Variants in ROBO4 observed in about 807,000 individuals in gnomAD.
The protein encoded by ROBO4 is roundabout guidance receptor 4, also known as roundabout homolog 4.
In ROBO4, 80 loss-of-function variants were observed where a neutral mutation model predicts 103.3. The observed-to-expected ratio is 0.77, with a 90% confidence interval of 0.65 to 0.93. The LOEUF (loss-of-function observed/expected upper bound fraction) is 0.93, where lower values mean the gene tolerates loss of function less well. Among genes scored for constraint, ROBO4 ranks in the 40% least tolerant of loss-of-function variants. The pLI, the probability that ROBO4 is intolerant of heterozygous loss-of-function variation, is 0.00. For missense variants in ROBO4, 1,333 were observed against 1,305.3 expected (o/e 1.02, Z -0.33); for synonymous variants, 504 against 529.7 (o/e 0.95, Z 0.67).
rs201659190 is a variant in ROBO4, at chr11:124,895,582, C to G, written c.911G>C (p.Gly304Ala). The change falls in exon 6 of 18, where the codon GGC becomes GCC. Residue 304 changes from glycine to alanine, a missense_variant. Physicochemically the swap from Gly to Ala is moderately conservative, Grantham distance 60. Coordinates refer to ENST00000306534, the MANE Select transcript of ROBO4 (RefSeq NM_019055.6). ...GAPWAEELLAGWQSAELGGLH... is the reference protein window; with the variant it reads ...GAPWAEELLAAWQSAELGGLH... ...GCCTCCAAGCTCTGCGCTCTGCCAG[C>G]CGGCCAGCAGCTCCTCTGCCCACGG... 8.7e-6 allele frequency: 14 copies of G among 1,613,348 alleles called. No individual in the cohort carries two copies. The highest frequency in any genetic ancestry group is 1.2e-5 in the Non-Finnish European group (14 of 1,180,042).
intron 7 of ROBO4, among the ~76,000 whole-genome samples, chr11:124,894,786 C>T (rs1376302449): frequency 1.3e-5 from 2 of 152,226 alleles, no homozygotes; most frequent in African/African-American, 4.8e-5. Flanking sequence ...CACTCCCTGA[C>T]TCACAGCCTG....
In ROBO4 at chr11:124,895,148, C is replaced by A; in HGVS notation, c.1082G>T (p.Gly361Val). ...TGGGACCCAGCTCACAAAGACAGTG[C>A]CATTGCCAGGCTTTAGAGTCACTTC... ...PQEVTLKPGN[G>V]TVFVSWVPPP... Residue 361 changes from glycine to valine, a missense_variant, in exon 7 of 18, where the codon GGC becomes GTC. Gly to Val is a moderately radical substitution (Grantham distance 109). Coordinates refer to ENST00000306534, the MANE Select transcript of ROBO4 (RefSeq NM_019055.6). The A allele has an allele frequency of 1.2e-6, 2 of 1,614,084 alleles. No homozygotes were observed. The highest frequency in any genetic ancestry group is 1.7e-6 in the Non-Finnish European group (2 of 1,179,998).
rs768101744 is a variant in ROBO4 at position 124,887,693 on chromosome 11, A to G, written c.2056+40T>C. The stretch of plus-strand genomic sequence containing the variant: ...GTAAGCCCCTGCATCCCTACACCCT[A>G]TCTCACCCCTTCACTTCCCTTTCAG... On this transcript the variant is annotated intron_variant, in intron 13 of 17. Transcript: ENST00000306534. 14 of 1,591,930 alleles carry G rather than the reference A, an allele frequency of 8.8e-6. No homozygotes were observed. The South Asian group carries it at 1.0e-4, about 11-fold the overall frequency.
In ROBO4 at chr11:124,891,555, G is replaced by A. The variant is rs1196457203; in HGVS notation, c.1692C>T (p.Ser564=). The part of the protein sequence containing the change: ...DPLDCRRSLL[S]WDSRSPGVPL... Reference sequence around the variant, plus strand: ...GCACGCCGGGGCTTCGGGAGTCCCAGGAGAGCACTGTGACATAAATGACAG... The same window carrying A: ...GCACGCCGGGGCTTCGGGAGTCCCAAGAGAGCACTGTGACATAAATGACAG... Residue 564 remains serine, a synonymous_variant, in exon 12 of 18, where the codon TCC becomes TCT. Transcript: ENST00000306534. 12 of 1,614,116 alleles carry A rather than the reference G, an allele frequency of 7.4e-6. No homozygotes were observed. In the Admixed American group the frequency reaches 1.7e-4, roughly 22 times the overall value.
chr11:124,887,281 C>G, intron 14 of ROBO4, 68 bp from the exon 15 acceptor site: 1 of 1,604,286 alleles, frequency 6.2e-7, no homozygotes. Flanking sequence ...CCCCCTTCCC[C>G]AGCCTGTCCA....
Position 124,895,696 on chromosome 11 carries a change from G to A in ROBO4, c.808-11C>T, listed in dbSNP as rs759054579. On this transcript the variant is annotated splice_polypyrimidine_tract_variant and intron_variant, in intron 5 of 17. Transcript: ENST00000306534. Reference sequence around the variant, plus strand: ...AGCAGGGCCACTGACCTGGGAAGGAGTTTCGAGGAAGGGCGGGGGGTCAGA... The same window carrying A: ...AGCAGGGCCACTGACCTGGGAAGGAATTTCGAGGAAGGGCGGGGGGTCAGA... 5.2e-5 allele frequency: 84 copies of A among 1,611,600 alleles called. No homozygotes were observed. The highest frequency in any genetic ancestry group is 6.8e-5 in the Non-Finnish European group (80 of 1,178,068).
At chr11:124,889,104 C>T (rs772793281) in intron 12 of ROBO4, among the ~76,000 whole-genome samples, 1 of 152,196 alleles carries the variant, frequency 6.6e-6, no homozygotes, top group African/African-American at 2.4e-5. Context: ...AGTGGCCAGA[C>T]CTTCTGATCC....
chr11:124,886,000 C>T (rs1946705116), intron 16 of ROBO4, among the ~76,000 whole-genome samples: 1 of 152,022 alleles, frequency 6.6e-6, no homozygotes, highest in Non-Finnish European at 1.5e-5. Flanking sequence ...ACCAGCCTGG[C>T]CAACATGGTG....
intron 16 of ROBO4, among the ~76,000 whole-genome samples, chr11:124,885,580 G>GTTTTTTTT (rs5795436): frequency 7.0e-6 from 1 of 142,062 alleles, no homozygotes; most frequent in African/African-American, 2.6e-5. Context: ...CCACAAGCCT[G>GTTTTTTTT]TTTTTTTTTT....
intron 10 of ROBO4, chr11:124,892,553 C>T (rs1430565031): frequency 6.4e-6 from 1 of 156,944 alleles, no homozygotes; most frequent in African/African-American, 2.4e-5. Context: ...TTACTTGCTG[C>T]TTCATTGCTC....
intron 12 of ROBO4, among the ~76,000 whole-genome samples, chr11:124,889,759 G>A (rs953673175): frequency 9.2e-5 from 14 of 152,158 alleles, no homozygotes; most frequent in African/African-American, 7.2e-5. Flanking sequence ...GGTACTGGGA[G>A]AGCCTGCCAG....
In ROBO4 at chr11:124,886,767, T is replaced by C. The variant is rs374708788; in HGVS notation, c.2491A>G (p.Ile831Val). 2 of 1,566,678 alleles carry C rather than the reference T, an allele frequency of 1.3e-6. No homozygotes were observed. Among genetic ancestry groups the C allele is most frequent in the Non-Finnish European group, 1.7e-6 (2 of 1,153,690 alleles). The part of the protein sequence containing the change: ...APSPPTTYGY[I>V]SVPTASEFTD... Reference sequence around the variant, plus strand: ...AACTCTGAGGCTGTTGGGACGCTGATGTACCCATAGGTGGTGGGGGGTGAA... The same window carrying C: ...AACTCTGAGGCTGTTGGGACGCTGACGTACCCATAGGTGGTGGGGGGTGAA... The change falls in exon 16 of 18, where the codon ATC becomes GTC. Residue 831 changes from isoleucine to valine, a missense_variant. Transcript: ENST00000306534.
chr11:124,889,589 T>C (rs1349257427), intron 12 of ROBO4, among the ~76,000 whole-genome samples: 3 of 152,188 alleles, frequency 2.0e-5, no homozygotes, highest in Admixed American at 6.5e-5. Flanking sequence ...TGAATGAGGA[T>C]ATTCAGTGCA....
chr11:124,887,295 C>T, intron 14 of ROBO4, 63 bp downstream of exon 14: 1 of 1,609,540 alleles, frequency 6.2e-7, no homozygotes. Context: ...CTGTCCAATC[C>T]CGGCACACAC....
chr11:124,886,684 G>T lies in ROBO4; in HGVS notation c.2574C>A (p.Cys858Ter). ...TGGGGGTGAGGCAGGGCCGAGGTGGGCACAGCAAGACTCCCCCCTTGGGCC... is the reference window on the plus strand; with the variant it reads ...TGGGGGTGAGGCAGGGCCGAGGTGGTCACAGCAAGACTCCCCCCTTGGGCC... ...GVGPKGGVLLCPPRPCLTPTP... is the reference protein window; with the variant it reads ...GVGPKGGVLL Residue 858 changes from cysteine (C) to a stop codon, truncating the protein, a stop_gained, in exon 16 of 18, where the codon TGC becomes TGA. Coordinates refer to ENST00000306534, the MANE Select transcript of ROBO4 (RefSeq NM_019055.6). LOFTEE classifies it high-confidence loss of function. 2 of 1,612,708 alleles carry T rather than the reference G, an allele frequency of 1.2e-6. No individual in the cohort carries two copies. Among genetic ancestry groups the T allele is most frequent in the Non-Finnish European group, 1.7e-6 (2 of 1,178,952 alleles).
chr11:124,889,689 G>T (rs917296801), intron 12 of ROBO4, among the ~76,000 whole-genome samples: 4 of 152,152 alleles, frequency 2.6e-5, no homozygotes, highest in Admixed American at 6.5e-5. Flanking sequence ...CACTGGAGAA[G>T]AAACCCCAAC....
At chr11:124,887,939 C>G in intron 12 of ROBO4, 99 bp from the exon 13 acceptor site, 1 of 938,576 alleles carries the variant, frequency 1.1e-6, no homozygotes, top group South Asian at 1.7e-5. Context: ...GCCTGCACGA[C>G]CCTGAACCCA....
chr11:124,886,407 A>C (rs746231186), intron 16 of ROBO4, 57 bp downstream of exon 16: 4 of 1,303,540 alleles, frequency 3.1e-6, no homozygotes, highest in Non-Finnish European at 4.3e-6. Flanking sequence ...ACATGATAAC[A>C]GTTGTTAGAA....
At chr11:124,895,294 CAAG>C (rs1348796490) in intron 6 of ROBO4, 101 bp from the exon 7 acceptor site, 1 of 1,163,562 alleles carries the variant, frequency 8.6e-7, no homozygotes, top group Non-Finnish European at 1.3e-6. Context: ...ACTGAAGAGA[CAAG>C]AAGCCTCTTG....
Sources: gnomAD v4.1 joint callset for allele counts (sites outside exome capture counted in the v4.1 genomes callset) on GRCh38, gnomAD v4.1.1 for gene constraint, MANE v1.5 for transcripts, NCBI Gene and HGNC (gene_info 2026-07-23, HGNC 2026-07-21) for gene names.